The following USP36 variants were observed in gnomAD, a reference collection of about 807,000 sequenced individuals.
USP36 encodes the protein ubiquitin specific peptidase 36.
In USP36, 59 loss-of-function variants were observed where a neutral mutation model predicts 111.5. The ratio of observed to expected loss-of-function variants is 0.53; its 90% CI spans 0.43 to 0.66. The LOEUF (loss-of-function observed/expected upper bound fraction) is 0.66, where lower values mean the gene tolerates loss of function less well. USP36 is among the 30% of genes least tolerant of loss of function. The pLI is 0.00. For synonymous variants in USP36, 628 were observed against 581.0 expected, an observed-to-expected ratio of 1.08 and a Z score of -1.16; for missense variants, 1,488 against 1,468.0, an observed-to-expected ratio of 1.01 and a Z score of -0.22.
chr17:78,838,285 T>C (rs1302160271), intron 2 of USP36, among the ~76,000 whole-genome samples: 2 of 150,198 alleles, frequency 1.3e-5, no homozygotes, highest in Admixed American at 6.7e-5. Flanking sequence ...AGGCAGAGAA[T>C]TGCTTGAACA....
At chr17:78,813,235 C>T (rs2094109461) in intron 12 of USP36, among the ~76,000 whole-genome samples, 1 of 149,156 alleles carries the variant, frequency 6.7e-6, no homozygotes, top group African/African-American at 2.5e-5. Flanking sequence ...GTCAGAATTC[C>T]TCCAAGATCA....
Position 78,807,516 on chromosome 17 carries a change from G to A in USP36, c.1528C>T (p.Pro510Ser), listed in dbSNP as rs567947097. The A allele has an allele frequency of 2.0e-5, 32 of 1,613,906 alleles. No homozygotes were observed. In the South Asian group the frequency reaches 3.2e-4, roughly 16 times the overall value. Residue 510 changes from proline to serine, a missense_variant, in exon 14 of 21, where the codon CCC becomes TCC. Physicochemically the swap from Pro to Ser is moderately conservative, Grantham distance 74. Around this residue, in one of 3 missense-constraint regions of USP36, gnomAD observed 1,073 missense variants for 994.1 expected, o/e 1.08. Transcript: ENST00000449938. The part of the protein sequence containing the change: ...SQNGCIPPKL[P>S]SGSPSPKLSQ... Reference sequence around the variant, plus strand: ...AGTTTGGGGGAAGGGGACCCCGAGGGCAGCTTTGGAGGAATGCAGCCGTTC... The same window carrying A: ...AGTTTGGGGGAAGGGGACCCCGAGGACAGCTTTGGAGGAATGCAGCCGTTC...
At position 78,815,820 on chromosome 17, in the gene USP36, CATGCACACATATATACAT is replaced by C. The variant is rs1473954276; in HGVS notation, c.1024-1286_1024-1269del. Among the ~76,000 whole-genome samples, 8 of 149,032 alleles carry C rather than the reference CATGCACACATATATACAT, an allele frequency of 5.4e-5. No individual in the cohort carries two copies. In the East Asian group the frequency reaches 1.6e-3, roughly 30 times the overall value. On this transcript the variant is annotated intron_variant, in intron 10 of 20. Coordinates refer to ENST00000449938, the MANE Select transcript of USP36 (RefSeq NM_001385174.1). ...CATGCATACATACATCGTATACACA[CATGCACACATATATACAT>C]ACACACACACATATGCATGCATACA...
chr17:78,812,345 C>G (rs904181445), intron 13 of USP36, among the ~76,000 whole-genome samples: 10 of 152,240 alleles, frequency 6.6e-5, no homozygotes, highest in African/African-American at 2.4e-4. Flanking sequence ...AGAATTTTCT[C>G]ATTCATGTCT....
At chr17:78,811,888 AT>A (rs2094068476) in intron 13 of USP36, among the ~76,000 whole-genome samples, 1 of 151,240 alleles carries the variant, frequency 6.6e-6, no homozygotes, top group South Asian at 2.1e-4. Context: ...AAAAAAGGAT[AT>A]TTTTTCCTAC....
intron 4 of USP36, among the ~76,000 whole-genome samples, chr17:78,834,581 G>A (rs1172780377): frequency 6.6e-6 from 1 of 151,888 alleles, no homozygotes; most frequent in African/African-American, 2.4e-5. Flanking sequence ...CGAGCAGCTG[G>A]GATTACAGGT....
intron 15 of USP36, 139 bp from the exon 16 acceptor site, chr17:78,804,117 A>C: frequency 1.7e-6 from 1 of 589,648 alleles, no homozygotes. Flanking sequence ...GATACACATT[A>C]AGTTACATGT....
intron 4 of USP36, 45 bp downstream of exon 4, chr17:78,835,235 T>C: frequency 6.3e-7 from 1 of 1,589,258 alleles, no homozygotes; most frequent in Non-Finnish European, 8.6e-7. Flanking sequence ...GCTTATCTAA[T>C]CCAGAGGACC....
Position 78,806,291 on chromosome 17 carries a change from A to C in USP36, c.2086-5T>G, listed in dbSNP as rs1265964760. ...CGCCCTCCACAGGGTGCTGGCCTGC[A>C]GTTATCGACATAAATAAAAACTTGG... On this transcript the variant is annotated splice_region_variant and splice_polypyrimidine_tract_variant and intron_variant, in intron 14 of 20. Coordinates refer to ENST00000449938, the MANE Select transcript of USP36 (RefSeq NM_001385174.1). The C allele has an allele frequency of 6.2e-7, 1 of 1,613,660 alleles. No individual in the cohort carries two copies. The highest frequency in any genetic ancestry group is 1.3e-5 in the African/African-American group (1 of 74,904).
At position 78,803,514 on chromosome 17, in the gene USP36, G is replaced by A. The variant is rs1173890410; in HGVS notation, c.2681C>T (p.Pro894Leu). The A allele has an allele frequency of 6.2e-7, 1 of 1,613,946 alleles. No homozygotes were observed. The highest frequency in any genetic ancestry group is 8.5e-7 in the Non-Finnish European group (1 of 1,180,036). The change falls in exon 16 of 21, where the codon CCA (proline) becomes CTA (leucine). Residue 894 changes from proline to leucine, a missense_variant. By Grantham distance (98) the Pro-to-Leu change is moderately conservative (BLOSUM62 -3). Transcript: ENST00000449938. The surrounding 1 kb of genome is among the most constrained non-coding windows in gnomAD (Gnocchi z 4.6). ...AVRRQEDGTQ[P>L]QVNGQQVGCV... ...TCCCACCTGCTGGCCATTCACCTGT[G>A]GCTGTGTGCCATCTTCCTGCCGTCT... is the stretch of plus-strand genomic sequence containing the variant.
rs1301097975 is a variant in USP36 at position 78,807,550 on chromosome 17, C to A, written c.1494G>T (p.Leu498=). ...PISRNGSTLG[L]KSQNGCIPPK... is the part of the protein sequence containing the mutation. ...GAGGAATGCAGCCGTTCTGGGACTT[C>A]AGGCCCAGGGTGGAGCCATTCCTGG... Residue 498 remains leucine (L), a synonymous_variant, in exon 14 of 21, where the codon CTG becomes CTT. Coordinates refer to ENST00000449938, the MANE Select transcript of USP36 (RefSeq NM_001385174.1). 7 of 1,612,348 alleles carry A rather than the reference C, an allele frequency of 4.3e-6. No individual in the cohort carries two copies. Among genetic ancestry groups the A allele is most frequent in the Non-Finnish European group, 5.9e-6 (7 of 1,179,130 alleles).
In USP36 at chr17:78,798,991, T is replaced by C. The variant is rs767367884; in HGVS notation, c.3157A>G (p.Ser1053Gly). 4.3e-6 allele frequency: 7 copies of C among 1,614,056 alleles called. No individual in the cohort carries two copies. The Admixed American group carries it at 1.0e-4, about 23-fold the overall frequency. The change falls in exon 19 of 21, where the codon AGT becomes GGT. Residue 1053 changes from serine (S) to glycine (G), a missense_variant. By Grantham distance (56) the Ser-to-Gly change is moderately conservative. Transcript: ENST00000449938. The surrounding 1 kb of genome is among the most constrained non-coding windows in gnomAD (Gnocchi z 5.1). The part of the protein sequence containing the change: ...LTWDGKMSAV[S>G]QDAIEDSRQA... Reference sequence around the variant, plus strand: ...CTGCTGTCTTCAATAGCATCCTGACTGACCGCCGACATCTTGCCATCCCAG... The same window carrying C: ...CTGCTGTCTTCAATAGCATCCTGACCGACCGCCGACATCTTGCCATCCCAG...
Position 78,807,160 on chromosome 17 carries a change from C to G in USP36, c.1884G>C (p.Gln628His). 6.2e-7 allele frequency: 1 copy of G among 1,614,240 alleles called. No homozygotes were observed. The highest frequency in any genetic ancestry group is 8.5e-7 in the Non-Finnish European group (1 of 1,180,042). The change falls in exon 14 of 21, where the codon CAG becomes CAC. Residue 628 changes from glutamine to histidine, a missense_variant. Physicochemically the swap from Gln to His is conservative, Grantham distance 24. Around this residue, in one of 3 missense-constraint regions of USP36, gnomAD observed 1,073 missense variants for 994.1 expected, o/e 1.08. Coordinates refer to ENST00000449938, the MANE Select transcript of USP36 (RefSeq NM_001385174.1). ...GATGGGCCGCTCCACTCCTGGGGGT[C>G]TGGGGGGCCTTGGTGGAGTCGCTGC... ...SASSDSTKAP[Q>H]TPRSGAAHLC... is the part of the protein sequence containing the mutation.
chr17:78,818,572 G>A (rs775921576), intron 10 of USP36, 95 bp downstream of exon 10: 12 of 1,045,524 alleles, frequency 1.1e-5, no homozygotes, highest in Non-Finnish European at 1.8e-5. Context: ...TGTGTAAACA[G>A]CAGCTATCAA....
At chr17:78,800,134 C>CA (rs372037379) in intron 17 of USP36, among the ~76,000 whole-genome samples, 2,209 of 133,268 alleles carry the variant, frequency 0.017, 49 homozygotes, top group African/African-American at 0.047. Context: ...AGCTAAAAAC[C>CA]AAAAAAAAAA....
chr17:78,788,841 T>G (rs1475893977), intron 3 of USP36, among the ~76,000 whole-genome samples: 1 of 152,014 alleles, frequency 6.6e-6, no homozygotes, highest in Non-Finnish European at 1.5e-5. Context: ...TGCTGCCTCT[T>G]GCCAGAGGTG....
chr17:78,788,693 G>C (rs924721775), intron 3 of USP36, among the ~76,000 whole-genome samples: 1 of 152,104 alleles, frequency 6.6e-6, no homozygotes, highest in Non-Finnish European at 1.5e-5. Flanking sequence ...GAGATGTGGA[G>C]GGACTCGGGT....
intron 8 of USP36, among the ~76,000 whole-genome samples, chr17:78,820,298 A>G (rs2094288235): frequency 1.3e-5 from 2 of 151,926 alleles, no homozygotes; most frequent in Admixed American, 1.3e-4. Flanking sequence ...ACATAGCAAG[A>G]CCCCTGTCTC....
chr17:78,803,572 T>G lies in USP36; in HGVS notation c.2623A>C (p.Arg875=), dbSNP rs1379271927. 1 of 1,613,338 alleles carries G rather than the reference T, an allele frequency of 6.2e-7. No individual in the cohort carries two copies. Among genetic ancestry groups the G allele is most frequent in the Non-Finnish European group, 8.5e-7 (1 of 1,180,002 alleles). The part of the protein sequence containing the change: ...TQRQPGSPMY[R]REGQAQLPAV... ...GGCAGCTGTGCCTGGCCCTCCCTCC[T>G]GTACATGGGGCTCCCAGGCTGTCTC... The change falls in exon 16 of 21, where the codon AGG becomes CGG. Residue 875 remains arginine (R), a synonymous_variant. Coordinates refer to ENST00000449938, the MANE Select transcript of USP36 (RefSeq NM_001385174.1). The surrounding 1 kb of genome is among the most constrained non-coding windows in gnomAD (Gnocchi z 4.6).
Sources: allele counts gnomAD v4.1 joint callset (sites outside exome capture counted in the v4.1 genomes callset), GRCh38; gene constraint gnomAD v4.1.1; regional missense constraint gnomAD v4.1.1; non-coding constraint Gnocchi (gnomAD v3.1); transcripts MANE v1.5; gene names NCBI Gene and HGNC (gene_info 2026-07-23, HGNC 2026-07-21).